The following CDK8 variants were observed in gnomAD, a reference collection of about 807,000 sequenced individuals.
CDK8 encodes cyclin-dependent kinase 8.
In CDK8, 29 loss-of-function variants were observed where a neutral mutation model predicts 71.5. The observed-to-expected ratio is 0.41, with a 90% CI of 0.30 to 0.55. The LOEUF is 0.55. Ranked by LOEUF, CDK8 falls within the 20% of genes least tolerant of loss-of-function variation. CDK8 has a pLI of 0.37. For synonymous variants in CDK8, 161 were observed against 192.1 expected (o/e 0.84, Z 1.34); for missense variants, 288 against 572.6 (o/e 0.50, Z 5.07).
At chr13:26,364,913 G>T (rs1026725780) in intron 4 of CDK8, among the ~76,000 whole-genome samples, 1 of 152,150 alleles carries the variant, frequency 6.6e-6, no homozygotes, top group African/African-American at 2.4e-5. Flanking sequence ...AGAGGAGTCT[G>T]CATTCTAGAC....
intron 1 of CDK8, among the ~76,000 whole-genome samples, chr13:26,266,344 G>C (rs1872016472): frequency 6.6e-6 from 1 of 152,168 alleles, no homozygotes; most frequent in Admixed American, 6.5e-5. Flanking sequence ...AGAGTGTATA[G>C]AGCAAGACAA....
chr13:26,293,114 CT>C (rs984036869), intron 1 of CDK8, among the ~76,000 whole-genome samples: 1 of 152,080 alleles, frequency 6.6e-6, no homozygotes, highest in African/African-American at 2.4e-5. Flanking sequence ...GATAATTTCT[CT>C]TTTTGTATTT....
intron 1 of CDK8, among the ~76,000 whole-genome samples, chr13:26,288,756 T>C (rs1873149273): frequency 6.6e-6 from 1 of 152,118 alleles, no homozygotes; most frequent in African/African-American, 2.4e-5. Flanking sequence ...TCCAAGCTTC[T>C]GTAAGTTTTT....
chr13:26,399,066 G>A (rs934901492), intron 9 of CDK8, among the ~76,000 whole-genome samples: 1 of 151,814 alleles, frequency 6.6e-6, no homozygotes, highest in Non-Finnish European at 1.5e-5. Flanking sequence ...CTAGAGTGCA[G>A]TGGTGTGATC....
rs1593287246 is a variant in CDK8, at chr13:26,359,545, T to C, written c.456+5665T>C. 2.9e-5 allele frequency: 5 copies of C among 171,896 alleles called. No homozygotes were observed. The South Asian group carries it at 5.5e-4, about 19-fold the overall frequency. 10.6% of individuals were successfully genotyped at this position (171,896 alleles called of 1,614,324 possible). A position where few individuals can be genotyped will look rare whatever the true frequency, so the allele number is the denominator to read the frequency against. ...TGTTTGTGTAGAAGCCCAGTTTTGATTTGGCAATGGTATCTGAACTGTTTC... is the reference window on the plus strand; with the variant it reads ...TGTTTGTGTAGAAGCCCAGTTTTGACTTGGCAATGGTATCTGAACTGTTTC... On this transcript the variant is annotated intron_variant, in intron 4 of 12. Coordinates refer to ENST00000381527, the MANE Select transcript of CDK8 (RefSeq NM_001260.3).
In CDK8 at chr13:26,254,986, G is replaced by C. The variant is rs1871454690; in HGVS notation, c.128+217G>C. 6.6e-6 allele frequency among the ~76,000 whole-genome samples: 1 copy of C among 152,220 alleles called. No individual in the cohort carries two copies. Among genetic ancestry groups the C allele is most frequent in the Admixed American group, 6.5e-5 (1 of 15,288 alleles). ...GCCGCGTCTGTGTTCTGCTCTGGTG[G>C]TAAGAGGCAAGATGAGCCTCTGCAC... On this transcript the variant is annotated intron_variant, in intron 1 of 12. Coordinates refer to ENST00000381527, the MANE Select transcript of CDK8 (RefSeq NM_001260.3). This position sits in a 1 kb window ranked among gnomAD's most constrained non-coding sequence, Gnocchi z 6.7.
At chr13:26,396,379 T>G in intron 8 of CDK8, 25 bp downstream of exon 8, 1 of 1,152,196 alleles carries the variant, frequency 8.7e-7, no homozygotes. Context: ...AAGAGACTCC[T>G]TGTTGATTTT....
chr13:26,255,489 A>T (rs1176845763), intron 1 of CDK8, among the ~76,000 whole-genome samples: 1 of 152,192 alleles, frequency 6.6e-6, no homozygotes, highest in East Asian at 1.9e-4. Flanking sequence ...TTTGCTTTAA[A>T]TATTCTTCCC....
At chr13:26,301,792 C>T (rs1354416220) in intron 1 of CDK8, among the ~76,000 whole-genome samples, 1 of 152,106 alleles carries the variant, frequency 6.6e-6, no homozygotes, top group Non-Finnish European at 1.5e-5. Flanking sequence ...TATTTAAGAG[C>T]GTCTTCATCA....
intron 4 of CDK8, among the ~76,000 whole-genome samples, chr13:26,376,597 T>C (rs1870241822): frequency 6.6e-6 from 1 of 152,218 alleles, no homozygotes; most frequent in Admixed American, 6.5e-5. Context: ...ACATCCATGT[T>C]GCATTTTTAA....
intron 4 of CDK8, among the ~76,000 whole-genome samples, chr13:26,363,282 C>T (rs1186508300): frequency 6.4e-5 from 8 of 124,666 alleles, no homozygotes; most frequent in African/African-American, 1.8e-4. Flanking sequence ...GAGCCGAGAT[C>T]GCACCACTGC....
chr13:26,281,723 A>G (rs1246803169), intron 1 of CDK8, among the ~76,000 whole-genome samples: 3 of 140,970 alleles, frequency 2.1e-5, no homozygotes, highest in East Asian at 1.9e-4. Flanking sequence ...GTGAAAACCA[A>G]CTTAAAGAAA....
At chr13:26,291,276 T>G (rs1873287130) in intron 1 of CDK8, among the ~76,000 whole-genome samples, 2 of 152,210 alleles carry the variant, frequency 1.3e-5, no homozygotes, top group African/African-American at 4.8e-5. Flanking sequence ...TAGATTTGTG[T>G]AAGTACACTC....
intron 1 of CDK8, among the ~76,000 whole-genome samples, chr13:26,288,198 G>A (rs1873115537): frequency 1.3e-5 from 2 of 152,060 alleles, no homozygotes; most frequent in South Asian, 2.1e-4. Context: ...TCCTGACCTC[G>A]TGATCCGCCT....
chr13:26,399,229 C>T (rs1351924416), intron 9 of CDK8, among the ~76,000 whole-genome samples: 1 of 152,006 alleles, frequency 6.6e-6, no homozygotes, highest in Non-Finnish European at 1.5e-5. Flanking sequence ...AGGCTGGTCT[C>T]GAACTCCTGA....
intron 4 of CDK8, among the ~76,000 whole-genome samples, chr13:26,374,654 AG>A (rs1225835189): frequency 2.0e-5 from 3 of 152,210 alleles, no homozygotes; most frequent in South Asian, 4.1e-4. Context: ...GCTTAATAAA[AG>A]TCTTGTCAAT....
chr13:26,290,790 C>G (rs768773855), intron 1 of CDK8, among the ~76,000 whole-genome samples: 13 of 151,852 alleles, frequency 8.6e-5, no homozygotes, highest in Non-Finnish European at 1.9e-4. Flanking sequence ...CAATCAAAAG[C>G]ATGGTTTGCA....
At chr13:26,360,587 G>A (rs1874091423) in intron 4 of CDK8, among the ~76,000 whole-genome samples, 1 of 152,034 alleles carries the variant, frequency 6.6e-6, no homozygotes, top group South Asian at 2.1e-4. Flanking sequence ...TGGTAATATG[G>A]TAATCTATTT....
intron 4 of CDK8, among the ~76,000 whole-genome samples, chr13:26,361,128 G>T (rs1874119147): frequency 1.3e-5 from 2 of 152,034 alleles, no homozygotes; most frequent in South Asian, 4.2e-4. Flanking sequence ...TAATCTTAAG[G>T]TTGGAACATT....
Sources: allele counts gnomAD v4.1 joint callset (sites outside exome capture counted in the v4.1 genomes callset), GRCh38; gene constraint gnomAD v4.1.1; non-coding constraint Gnocchi (gnomAD v3.1); transcripts MANE v1.5; gene names NCBI Gene and HGNC (gene_info 2026-07-23, HGNC 2026-07-21).